LAG3: variants seen among roughly 807,000 people sequenced by gnomAD.
LAG3 encodes lymphocyte activating 3, also known as lymphocyte activation gene 3 protein.
LAG3 carries 29 observed loss-of-function variants against 49.0 expected under a neutral mutation model. The ratio of observed to expected loss-of-function variants is 0.59; its 90% CI spans 0.44 to 0.81. The LOEUF (loss-of-function observed/expected upper bound fraction) is 0.81, where lower values mean the gene tolerates loss of function less well. LAG3 is among the 30% of genes least tolerant of loss of function. The probability of loss-of-function intolerance (pLI) is 0.00; values close to 1 mark genes in which losing one functional copy is unlikely to be tolerated. For missense variants in LAG3, 693 were observed against 695.2 expected (o/e 1.00, Z 0.04); for synonymous variants, 320 against 297.3 (o/e 1.08, Z -0.79).
chr12:6,778,342 GGAGCCGGAACCGGAGCCC>G lies in LAG3; in HGVS notation c.1536_1553del (p.Glu515_Pro520del). On this transcript the variant is annotated inframe_deletion, in exon 8 of 8. Coordinates refer to ENST00000203629, the MANE Select transcript of LAG3 (RefSeq NM_002286.6). ...TGGAGCAAGAACCGGAGCCGGAGCC[GGAGCCGGAACCGGAGCCC>G]GAGCCCGAGCCCGAGCCGGAGCAGC... The G allele has an allele frequency of 3.1e-6, 5 of 1,612,982 alleles. No individual in the cohort carries two copies. Among genetic ancestry groups the G allele is most frequent in the Non-Finnish European group, 4.2e-6 (5 of 1,179,754 alleles).
chr12:6,773,100 C>T lies in LAG3; in HGVS notation c.59-92C>T, dbSNP rs778220555. The stretch of plus-strand genomic sequence containing the variant: ...CAGAAACCCAAGTTCTTCCTGCACC[C>T]TGTTTCTCCCTCGGGAAACACCCAG... On this transcript the variant is annotated intron_variant, in intron 1 of 7. Coordinates refer to ENST00000203629, the MANE Select transcript of LAG3 (RefSeq NM_002286.6). This position sits in a 1 kb window ranked among gnomAD's most constrained non-coding sequence, Gnocchi z 5.5. 1.8e-5 allele frequency: 26 copies of T among 1,477,448 alleles called. No individual in the cohort carries two copies. Among genetic ancestry groups the T allele is most frequent in the Non-Finnish European group, 2.4e-5 (26 of 1,089,940 alleles). The allele number at this position is 1,477,448 out of a possible 1,614,324, so 91.5% of individuals were successfully genotyped here.
intron 3 of LAG3, 53 bp downstream of exon 3, chr12:6,774,054 T>C (rs1316487072): frequency 1.5e-6 from 2 of 1,373,482 alleles, no homozygotes; most frequent in African/African-American, 3.1e-5. Context: ...CCCCATCCCC[T>C]GCCTCCCGGG....
rs746963580 is a variant in LAG3, at chr12:6,772,894, G to A, written c.42G>A (p.Pro14=). ...AQFLGLLFLQ[P]LWVAPVKPLQ... The stretch of plus-strand genomic sequence containing the variant: ...TCCTGGGCTTGCTGTTTCTGCAGCC[G>A]CTTTGGGTGGCTCCAGGTAAAACGG... Residue 14 remains proline, a synonymous_variant, in exon 1 of 8, where the codon CCG becomes CCA. Transcript: ENST00000203629. 2.2e-5 allele frequency: 35 copies of A among 1,613,654 alleles called. No individual in the cohort carries two copies. Among genetic ancestry groups the A allele is most frequent in the African/African-American group, 5.3e-5 (4 of 74,788 alleles).
intron 5 of LAG3, 114 bp from the exon 6 acceptor site, chr12:6,777,150 C>T: frequency 8.2e-7 from 1 of 1,224,374 alleles, no homozygotes; most frequent in Non-Finnish European, 1.2e-6. Flanking sequence ...CTTCCCCAAC[C>T]TCCCCTGGCC....
In LAG3 at chr12:6,778,394, G is replaced by A. The variant is rs757993238; in HGVS notation, c.*4G>A. ...GCCCGAGCCGGAGCAGCTCTGACCT[G>A]GAGCTGAGGCAGCCAGCAGATCTCA... On this transcript the variant is annotated 3_prime_UTR_variant, in exon 8 of 8. Coordinates refer to ENST00000203629, the MANE Select transcript of LAG3 (RefSeq NM_002286.6). 9.3e-6 allele frequency: 15 copies of A among 1,608,702 alleles called. No homozygotes were observed. Among genetic ancestry groups the A allele is most frequent in the Non-Finnish European group, 1.1e-5 (13 of 1,179,770 alleles).
In LAG3 at chr12:6,773,773, A is replaced by G; in HGVS notation, c.283A>G (p.Arg95Gly). 1.5e-6 allele frequency: 2 copies of G among 1,333,168 alleles called. No homozygotes were observed. The highest frequency in any genetic ancestry group is 9.5e-7 in the Non-Finnish European group (1 of 1,047,874). The allele number at this position is 1,333,168 out of a possible 1,614,324, so 82.6% of individuals were successfully genotyped here. A position where few individuals can be genotyped will look rare whatever the true frequency, so the allele number is the denominator to read the frequency against. The change falls in exon 3 of 8, where the codon AGG becomes GGG. Residue 95 changes from arginine to glycine, a missense_variant. By Grantham distance (125) the Arg-to-Gly change is moderately radical (BLOSUM62 -2). Transcript: ENST00000203629. The surrounding 1 kb of genome is among the most constrained non-coding windows in gnomAD (Gnocchi z 5.5). ...GGCGGCGCCCTCCTCCTGGGGGCCC[A>G]GGCCCCGCCGCTACACGGTGCTGAG... ...HPAAPSSWGP[R>G]PRRYTVLSVG...
In LAG3 at chr12:6,777,595, C is replaced by T. The variant is rs985450147; in HGVS notation, c.1300+89C>T. 54 of 1,518,260 alleles carry T rather than the reference C, an allele frequency of 3.6e-5. No homozygotes were observed. In the Middle Eastern group the frequency reaches 5.8e-4, roughly 16 times the overall value. 94.0% of individuals were successfully genotyped at this position (1,518,260 alleles called of 1,614,324 possible). ...ACAGCCCCTGCCACCCCCATCCCAG[C>T]GCTTTTCTTTCCAGTCAGGGACCTG... On this transcript the variant is annotated intron_variant, in intron 6 of 7. Coordinates refer to ENST00000203629, the MANE Select transcript of LAG3 (RefSeq NM_002286.6).
Position 6,773,814 on chromosome 12 carries a change from C to T in LAG3, c.324C>T (p.Gly108=). 7.1e-7 allele frequency: 1 copy of T among 1,401,272 alleles called. No individual in the cohort carries two copies. The highest frequency in any genetic ancestry group is 9.2e-7 in the Non-Finnish European group (1 of 1,083,288). The allele number at this position is 1,401,272 out of a possible 1,614,324, so 86.8% of individuals were successfully genotyped here. The change falls in exon 3 of 8, where the codon GGC becomes GGT. Residue 108 remains glycine (G), a synonymous_variant. Transcript: ENST00000203629. This position sits in a 1 kb window ranked among gnomAD's most constrained non-coding sequence, Gnocchi z 5.5. ...RYTVLSVGPG[G]LRSGRLPLQP... ...CGGTGCTGAGCGTGGGTCCCGGAGG[C>T]CTGCGCAGCGGGAGGCTGCCCCTGC...
chr12:6,772,996 T>C, intron 1 of LAG3, 86 bp downstream of exon 1: 3 of 1,456,282 alleles, frequency 2.1e-6, no homozygotes, highest in Non-Finnish European at 1.9e-6. Context: ...GGTCCTGAGG[T>C]CCTTAGCTCT....
chr12:6,773,126 G>GGGTGT lies in LAG3; in HGVS notation c.59-66_59-65insGGTGT. On this transcript the variant is annotated intron_variant, in intron 1 of 7. Coordinates refer to ENST00000203629, the MANE Select transcript of LAG3 (RefSeq NM_002286.6). This position sits in a 1 kb window ranked among gnomAD's most constrained non-coding sequence, Gnocchi z 5.5. Reference sequence around the variant, plus strand: ...TGTTTCTCCCTCGGGAAACACCCAGGCTCCTTCTCTACCCCTGCCTCTCGG... The same window carrying GGGTGT: ...TGTTTCTCCCTCGGGAAACACCCAGGGGTGTCTCCTTCTCTACCCCTGCCTCTCGG... 1 of 1,539,306 alleles carries GGGTGT rather than the reference G, an allele frequency of 6.5e-7. No homozygotes were observed. The highest frequency in any genetic ancestry group is 8.8e-7 in the Non-Finnish European group (1 of 1,139,968).
chr12:6,772,529 C>A lies in LAG3; in HGVS notation c.-324C>A. The A allele has an allele frequency of 3.3e-6, 1 of 300,734 alleles. No homozygotes were observed. Among genetic ancestry groups the A allele is most frequent in the South Asian group, 6.7e-5 (1 of 14,920 alleles). The allele number at this position is 300,734 out of a possible 1,614,324, so 18.6% of individuals were successfully genotyped here. A position where few individuals can be genotyped will look rare whatever the true frequency, so the allele number is the denominator to read the frequency against. On this transcript the variant is annotated 5_prime_UTR_variant, in exon 1 of 8. Coordinates refer to ENST00000203629, the MANE Select transcript of LAG3 (RefSeq NM_002286.6). ...ACAGGGGTGAAGGCCCAGAGACCAG[C>A]AGAACGGCATCCCAGCCACGACGGC...
In LAG3 at chr12:6,773,436, C is replaced by T. The variant is rs1165731994; in HGVS notation, c.206+97C>T. 4 of 1,437,858 alleles carry T rather than the reference C, an allele frequency of 2.8e-6. No individual in the cohort carries two copies. Among genetic ancestry groups the T allele is most frequent in the African/African-American group, 1.4e-5 (1 of 69,812 alleles). The allele number at this position is 1,437,858 out of a possible 1,614,324, so 89.1% of individuals were successfully genotyped here. Reference sequence around the variant, plus strand: ...GTCCCCTGCCCTGAGGTGTCACTCCCTCTGAAGCCAGTGACCCAGTCTCCC... The same window carrying T: ...GTCCCCTGCCCTGAGGTGTCACTCCTTCTGAAGCCAGTGACCCAGTCTCCC... On this transcript the variant is annotated intron_variant, in intron 2 of 7. Transcript: ENST00000203629. The surrounding 1 kb of genome is among the most constrained non-coding windows in gnomAD (Gnocchi z 5.5).
chr12:6,774,957 G>C (rs574502080), intron 4 of LAG3, 93 bp downstream of exon 4: 1 of 1,247,474 alleles, frequency 8.0e-7, no homozygotes, highest in East Asian at 2.3e-5. Flanking sequence ...CCAGGTTCTC[G>C]GCAGCGAGTG....
At position 6,772,774 on chromosome 12, in the gene LAG3, C is replaced by T. The variant is rs1941857869; in HGVS notation, c.-79C>T. Reference sequence around the variant, plus strand: ...CCTCTCTGCAGAACTTCTCCTTTACCCCCCACCCCCCACCACTGCCCCCTT... The same window carrying T: ...CCTCTCTGCAGAACTTCTCCTTTACTCCCCACCCCCCACCACTGCCCCCTT... On this transcript the variant is annotated 5_prime_UTR_variant, in exon 1 of 8. Coordinates refer to ENST00000203629, the MANE Select transcript of LAG3 (RefSeq NM_002286.6). 13 of 1,083,516 alleles carry T rather than the reference C, an allele frequency of 1.2e-5. No individual in the cohort carries two copies. Among genetic ancestry groups the T allele is most frequent in the Non-Finnish European group, 1.7e-5 (13 of 753,276 alleles). The allele number at this position is 1,083,516 out of a possible 1,614,324, so 67.1% of individuals were successfully genotyped here.
Position 6,774,805 on chromosome 12 carries a change from G to T in LAG3, c.722G>T (p.Cys241Phe). 1 of 1,614,144 alleles carries T rather than the reference G, an allele frequency of 6.2e-7. No individual in the cohort carries two copies. Among genetic ancestry groups the T allele is most frequent in the Non-Finnish European group, 8.5e-7 (1 of 1,180,010 alleles). Reference protein sequence around the residue: ...VSPMDSGPWGCILTYRDGFNV... With the variant: ...VSPMDSGPWGFILTYRDGFNV... ...CCCATGGACTCTGGGCCCTGGGGCT[G>T]CATCCTCACCTACAGAGATGGCTTC... The change falls in exon 4 of 8, where the codon TGC becomes TTC. Residue 241 changes from cysteine to phenylalanine, a missense_variant. Coordinates refer to ENST00000203629, the MANE Select transcript of LAG3 (RefSeq NM_002286.6).
chr12:6,778,118 C>A, intron 7 of LAG3, 126 bp from the exon 8 acceptor site: 1 of 1,306,026 alleles, frequency 7.7e-7, no homozygotes, highest in Non-Finnish European at 1.1e-6. Context: ...GGGAGAAAGC[C>A]AGGACCAGAT....
In LAG3 at chr12:6,775,425, G is replaced by C. The variant is rs763235292; in HGVS notation, c.934G>C (p.Asp312His). The C allele has an allele frequency of 6.2e-7, 1 of 1,614,094 alleles. No individual in the cohort carries two copies. Among genetic ancestry groups the C allele is most frequent in the Non-Finnish European group, 8.5e-7 (1 of 1,180,052 alleles). The change falls in exon 5 of 8, where the codon GAC becomes CAC. Residue 312 changes from aspartate to histidine, a missense_variant. By Grantham distance (81) the Asp-to-His change is moderately conservative. Transcript: ENST00000203629. Reference protein sequence around the residue: ...GGGPDLLVTGDNGDFTLRLED... With the variant: ...GGGPDLLVTGHNGDFTLRLED... Reference sequence around the variant, plus strand: ...AGGCCCTGACCTCCTGGTGACTGGAGACAATGGCGACTTTACCCTTCGACT... The same window carrying C: ...AGGCCCTGACCTCCTGGTGACTGGACACAATGGCGACTTTACCCTTCGACT...
rs1941866467 is a variant in LAG3 at position 6,773,468 on chromosome 12, C to G, written c.206+129C>G. On this transcript the variant is annotated intron_variant, in intron 2 of 7. Coordinates refer to ENST00000203629, the MANE Select transcript of LAG3 (RefSeq NM_002286.6). The surrounding 1 kb of genome is among the most constrained non-coding windows in gnomAD (Gnocchi z 5.5). The stretch of plus-strand genomic sequence containing the variant: ...GCCAGTGACCCAGTCTCCCTGCCCT[C>G]GCTTGCACCGTTCCTGCCCTTGCTC... The G allele has an allele frequency of 3.3e-6, 4 of 1,221,816 alleles. No homozygotes were observed. The highest frequency in any genetic ancestry group is 4.5e-6 in the Non-Finnish European group (4 of 881,090). 75.7% of individuals were successfully genotyped at this position (1,221,816 alleles called of 1,614,324 possible).
chr12:6,773,025 T>G lies in LAG3; in HGVS notation c.58+115T>G, dbSNP rs1941861097. 1.5e-6 allele frequency: 2 copies of G among 1,377,560 alleles called. No individual in the cohort carries two copies. Among genetic ancestry groups the G allele is most frequent in the East Asian group, 4.6e-5 (2 of 43,192 alleles). 85.3% of individuals were successfully genotyped at this position (1,377,560 alleles called of 1,614,324 possible). ...TAGCTCTGTGGATTCTTCTAATCCC[T>G]TTTTTGGGCAGTCCTTCCACCCCGA... On this transcript the variant is annotated intron_variant, in intron 1 of 7. Coordinates refer to ENST00000203629, the MANE Select transcript of LAG3 (RefSeq NM_002286.6). The surrounding 1 kb of genome is among the most constrained non-coding windows in gnomAD (Gnocchi z 5.5).
Sources: allele counts gnomAD v4.1 joint callset, GRCh38; gene constraint gnomAD v4.1.1; non-coding constraint Gnocchi (gnomAD v3.1); transcripts MANE v1.5; gene names NCBI Gene and HGNC (gene_info 2026-07-23, HGNC 2026-07-21).